Variants in DHX29 observed in about 807,000 individuals in gnomAD.
DHX29 encodes the protein DExH-box helicase 29, also known as ATP-dependent RNA helicase DHX29.
Under a neutral mutation model 167.9 loss-of-function variants are expected in DHX29, and 79 were observed. That is an observed-to-expected ratio of 0.47 (90% CI 0.39 to 0.57). The LOEUF is 0.57. Among genes scored for constraint, DHX29 ranks in the 20% least tolerant of loss-of-function variants. The probability of loss-of-function intolerance (pLI) is 0.00; values close to 1 mark genes in which losing one functional copy is unlikely to be tolerated. For synonymous variants in DHX29, 530 were observed against 546.0 expected (o/e 0.97, Z 0.41); for missense variants, 1,347 against 1,593.4 (o/e 0.85, Z 2.63).
chr5:55,304,802 C>A (rs962427674), intron 1 of DHX29, among the ~76,000 whole-genome samples: 1 of 152,034 alleles, frequency 6.6e-6, no homozygotes, highest in South Asian at 2.1e-4. Flanking sequence ...CCAGCTGTGC[C>A]GTCAAATTGG....
rs746968420 is a variant in DHX29 at position 55,307,546 on chromosome 5, C to A, written c.28G>T (p.Ala10Ser). The A allele has an allele frequency of 2.5e-6, 4 of 1,613,718 alleles. No homozygotes were observed. Among genetic ancestry groups the A allele is most frequent in the Non-Finnish European group, 2.5e-6 (3 of 1,179,956 alleles). The part of the protein sequence containing the change: MGGKNKKHK[A>S]PAAAVVRAAV... ...GCCCGGACCACCGCGGCCGCTGGAG[C>A]CTTGTGTTTCTTGTTCTTGCCGCCC... is the stretch of plus-strand genomic sequence containing the variant. The change falls in exon 1 of 27, where the codon GCT (alanine) becomes TCT (serine). Residue 10 changes from alanine (A) to serine (S), a missense_variant. Coordinates refer to ENST00000251636, the MANE Select transcript of DHX29 (RefSeq NM_019030.4).
chr5:55,287,938 G>GAAAAAAAAAA (rs1247600043), intron 8 of DHX29, among the ~76,000 whole-genome samples: 1 of 81,718 alleles, frequency 1.2e-5, no homozygotes. Flanking sequence ...TGGAAAAAAA[G>GAAAAAAAAAA]AAAAAAAAAA....
intron 17 of DHX29, 56 bp from the exon 18 acceptor site, chr5:55,272,231 A>T: frequency 9.2e-7 from 1 of 1,087,042 alleles, no homozygotes; most frequent in South Asian, 1.5e-5. Context: ...ATGTATCATT[A>T]TTTAAATTTC....
chr5:55,293,674 T>C (rs951031279), intron 6 of DHX29, among the ~76,000 whole-genome samples: 8 of 152,230 alleles, frequency 5.3e-5, no homozygotes, highest in Non-Finnish European at 1.0e-4. Flanking sequence ...ATTTCTATCT[T>C]ACCATATGAT....
intron 1 of DHX29, among the ~76,000 whole-genome samples, chr5:55,299,752 A>T (rs146642764): frequency 3.0e-4 from 46 of 152,142 alleles, no homozygotes; most frequent in African/African-American, 1.1e-3. Context: ...TCATCTCAAG[A>T]TCCACAGATC....
Position 55,285,851 on chromosome 5 carries a change from T to C in DHX29, c.1077A>G (p.Lys359=), listed in dbSNP as rs570377937. 2 of 1,555,428 alleles carry C rather than the reference T, an allele frequency of 1.3e-6. No homozygotes were observed. The highest frequency in any genetic ancestry group is 1.2e-5 in the South Asian group (1 of 82,512). ...CAAAATTTCTTACATCATGAGGTTCTTTCTTTTTATCTAAAATGGTAAACA... is the reference window on the plus strand; with the variant it reads ...CAAAATTTCTTACATCATGAGGTTCCTTCTTTTTATCTAAAATGGTAAACA... ...AATEEEKDKK[K]EPHDVRNFDY... is the part of the protein sequence containing the mutation. The change falls in exon 9 of 27, where the codon AAA becomes AAG. Residue 359 remains lysine, a synonymous_variant. Coordinates refer to ENST00000251636, the MANE Select transcript of DHX29 (RefSeq NM_019030.4).
At chr5:55,287,574 C>T (rs1747801860) in intron 8 of DHX29, among the ~76,000 whole-genome samples, 1 of 152,072 alleles carries the variant, frequency 6.6e-6, no homozygotes, top group Non-Finnish European at 1.5e-5. Flanking sequence ...CAATAATTAA[C>T]TCAGAATTTT....
intron 1 of DHX29, among the ~76,000 whole-genome samples, chr5:55,300,824 C>T (rs938723438): frequency 2.0e-5 from 3 of 152,168 alleles, no homozygotes; most frequent in African/African-American, 7.2e-5. Context: ...TTAGTCTGCT[C>T]AGACTGCCAC....
At chr5:55,262,119 T>C (rs1746341174) in intron 24 of DHX29, among the ~76,000 whole-genome samples, 1 of 152,162 alleles carries the variant, frequency 6.6e-6, no homozygotes, top group African/African-American at 2.4e-5. Flanking sequence ...ACCTTTACCA[T>C]ATGTTAAAAA....
intron 17 of DHX29, among the ~76,000 whole-genome samples, chr5:55,272,440 G>T (rs2111835052): frequency 6.6e-6 from 1 of 152,196 alleles, no homozygotes; most frequent in South Asian, 2.1e-4. Flanking sequence ...TCTTAAAAAT[G>T]ATATAAGTAG....
chr5:55,295,043 G>A (rs140746389), intron 5 of DHX29: 362 of 191,960 alleles, frequency 1.9e-3, no homozygotes, highest in Admixed American at 3.0e-3. Flanking sequence ...CATGTAAACA[G>A]AGGGATGCCT....
At chr5:55,282,453 C>A (rs1720054880) in intron 11 of DHX29, among the ~76,000 whole-genome samples, 1 of 151,824 alleles carries the variant, frequency 6.6e-6, no homozygotes, top group African/African-American at 2.4e-5. Context: ...CCTTTTTTTT[C>A]CTCCTCTATT....
chr5:55,296,494 T>A (rs1286768763), intron 3 of DHX29, 145 bp from the exon 4 acceptor site: 19 of 1,112,574 alleles, frequency 1.7e-5, no homozygotes, highest in Non-Finnish European at 1.9e-5. Flanking sequence ...AAATGAAATG[T>A]GTTTACTGAA....
Position 55,270,691 on chromosome 5 carries a change from A to C in DHX29, c.2880T>G (p.Ser960Arg). The C allele has an allele frequency of 6.2e-7, 1 of 1,612,474 alleles. No individual in the cohort carries two copies. The highest frequency in any genetic ancestry group is 1.3e-5 in the African/African-American group (1 of 75,008). Residue 960 changes from serine (S) to arginine (R), a missense_variant, in exon 19 of 27, where the codon AGT becomes AGG. Physicochemically the swap from Ser to Arg is moderately radical, Grantham distance 110. Around this residue, in one of 3 missense-constraint regions of DHX29, gnomAD observed 882 missense variants for 1,082.4 expected, o/e 0.81. Transcript: ENST00000251636. Reference sequence around the variant, plus strand: ...ACGTCTCCACCAAAGAACTCATCTGACTGCTTTCATGGTACCTAAAGAAAT... The same window carrying C: ...ACGTCTCCACCAAAGAACTCATCTGCCTGCTTTCATGGTACCTAAAGAAAT... ...RTKENKYHES[S>R]QMSSLVETFV...
At chr5:55,302,103 T>C (rs1748635257) in intron 1 of DHX29, among the ~76,000 whole-genome samples, 1 of 152,212 alleles carries the variant, frequency 6.6e-6, no homozygotes, top group African/African-American at 2.4e-5. Flanking sequence ...ATAGTATTGT[T>C]AGTTTCCTTA....
intron 10 of DHX29, among the ~76,000 whole-genome samples, chr5:55,284,380 T>C (rs771698390): frequency 1.3e-5 from 2 of 152,216 alleles, no homozygotes; most frequent in Non-Finnish European, 1.5e-5. Context: ...CTGGATAGAA[T>C]CTAAGTTATC....
chr5:55,260,293 G>T (rs570151641), intron 25 of DHX29, among the ~76,000 whole-genome samples: 9 of 151,826 alleles, frequency 5.9e-5, no homozygotes, highest in Non-Finnish European at 1.2e-4. Context: ...GTGCAGTGGC[G>T]CAATCTTGCC....
chr5:55,289,542 A>AT, intron 7 of DHX29, 114 bp from the exon 8 acceptor site: 1 of 784,594 alleles, frequency 1.3e-6, no homozygotes, highest in South Asian at 3.5e-5. Context: ...TTCATGCCTT[A>AT]TTTTTTAAAA....
rs1343817626 is a variant in DHX29, at chr5:55,269,399, ATTGT to A, written c.3294+10_3294+13del. 1.2e-6 allele frequency: 2 copies of A among 1,608,330 alleles called. No individual in the cohort carries two copies. The highest frequency in any genetic ancestry group is 1.7e-6 in the Non-Finnish European group (2 of 1,176,532). Reference sequence around the variant, plus strand: ...ATATTTAAAGTAAAGAAGCAGCAGCATTGTTTGACTTACCACTGGGTCAAGGCAG... The same window carrying A: ...ATATTTAAAGTAAAGAAGCAGCAGCATTGACTTACCACTGGGTCAAGGCAG... On this transcript the variant is annotated intron_variant, in intron 21 of 26. Coordinates refer to ENST00000251636, the MANE Select transcript of DHX29 (RefSeq NM_019030.4).
Sources: gnomAD v4.1 joint callset for allele counts (sites outside exome capture counted in the v4.1 genomes callset) on GRCh38, gnomAD v4.1.1 for gene constraint, gnomAD v4.1.1 regional missense constraint, MANE v1.5 for transcripts, NCBI Gene and HGNC (gene_info 2026-07-23, HGNC 2026-07-21) for gene names.